The following RICTOR variants were observed in gnomAD, a reference collection of about 807,000 sequenced individuals.
The protein encoded by RICTOR is rapamycin-insensitive companion of mTOR.
RICTOR carries 49 observed loss-of-function variants against 214.9 expected under a neutral mutation model. That is an observed-to-expected ratio of 0.23 (90% confidence interval 0.18 to 0.29). The LOEUF is 0.29. Among genes scored for constraint, RICTOR ranks in the 10% least tolerant of loss-of-function variants. The pLI, the probability that RICTOR is intolerant of heterozygous loss-of-function variation, is 1.00. For synonymous variants in RICTOR, 717 were observed against 711.3 expected (o/e 1.01, Z -0.13); for missense variants, 1,625 against 2,047.0 (o/e 0.79, Z 3.98).
chr5:38,962,583 T>C lies in RICTOR; in HGVS notation c.1570A>G (p.Thr524Ala), dbSNP rs1313708710. The C allele has an allele frequency of 1.3e-6, 2 of 1,482,130 alleles. No homozygotes were observed. Among genetic ancestry groups the C allele is most frequent in the Non-Finnish European group, 1.8e-6 (2 of 1,083,570 alleles). The allele number at this position is 1,482,130 out of a possible 1,614,324, so 91.8% of individuals were successfully genotyped here. ...VQKDIFILKD[T>A]EEALLINLRD... ...AGGTTAATTAAAAGAGCTTCCTCTG[T>C]ATCCTAAAATCATCAGAAAGTAATA... Residue 524 changes from threonine (T) to alanine (A), a missense_variant, in exon 18 of 38, where the codon ACA becomes GCA. This residue lies in a region of RICTOR where 1,214 missense variants were observed against 1,470.5 expected (regional missense o/e 0.83). Coordinates refer to ENST00000357387, the MANE Select transcript of RICTOR (RefSeq NM_152756.5).
At position 38,941,243 on chromosome 5, in the gene RICTOR, T is replaced by C. The variant is rs1165048892; in HGVS notation, c.*1061A>G. 4.3e-6 allele frequency: 1 copy of C among 232,656 alleles called. No individual in the cohort carries two copies. Among genetic ancestry groups the C allele is most frequent in the Admixed American group, 5.6e-5 (1 of 17,760 alleles). 14.4% of individuals were successfully genotyped at this position (232,656 alleles called of 1,614,324 possible). On this transcript the variant is annotated 3_prime_UTR_variant, in exon 38 of 38. Transcript: ENST00000357387. Reference sequence around the variant, plus strand: ...TTTGTGCAAAACAAAAACACTGATATAAAAATTAAGTTACTGCTGCTTTAA... The same window carrying C: ...TTTGTGCAAAACAAAAACACTGATACAAAAATTAAGTTACTGCTGCTTTAA...
At chr5:39,072,849 G>A (rs1759415131) in intron 2 of RICTOR, among the ~76,000 whole-genome samples, 1 of 152,026 alleles carries the variant, frequency 6.6e-6, no homozygotes, top group Non-Finnish European at 1.5e-5. Flanking sequence ...TCTTGTAAAA[G>A]GACCTAGTTC....
At chr5:39,046,028 A>AAATAAATAAATAAATAAAT (rs1757467685) in intron 2 of RICTOR, among the ~76,000 whole-genome samples, 9 of 140,268 alleles carry the variant, frequency 6.4e-5, no homozygotes, top group Middle Eastern at 3.6e-3. Context: ...TCTGTCTTTA[A>AAATAAATAAATAAATAAAT]AAATAAATAA....
intron 5 of RICTOR, among the ~76,000 whole-genome samples, chr5:38,999,032 A>AC (rs1244474907): frequency 5.7e-4 from 82 of 144,102 alleles, no homozygotes; most frequent in Non-Finnish European, 1.1e-3. Context: ...ACAGGCAAAA[A>AC]AAAAAAAAAA....
At chr5:39,074,050 C>A (rs1233904041) in intron 2 of RICTOR, 61 bp downstream of exon 2, 4 of 1,365,002 alleles carry the variant, frequency 2.9e-6, no homozygotes, top group African/African-American at 1.5e-5. Context: ...TGGCCCCCAG[C>A]CCCGGACCCG....
chr5:38,967,305 T>C (rs927223747), intron 13 of RICTOR, 32 bp downstream of exon 13: 53 of 1,598,328 alleles, frequency 3.3e-5, no homozygotes, highest in Non-Finnish European at 4.5e-5. Context: ...CGAATTCTAA[T>C]AAATTGAAAC....
intron 2 of RICTOR, among the ~76,000 whole-genome samples, chr5:39,065,600 T>G (rs1177173074): frequency 6.6e-6 from 1 of 152,216 alleles, no homozygotes; most frequent in Non-Finnish European, 1.5e-5. Context: ...CTTCCACTTA[T>G]GAGGCTGTAA....
In RICTOR at chr5:38,975,815, T is replaced by C. The variant is rs532290076; in HGVS notation, c.822-211A>G. ...TAAACTCACAACATCGTTTAAGTCA[T>C]AAATTCTGCTTTTCTACTCAGTTCT... On this transcript the variant is annotated intron_variant, in intron 9 of 37. Coordinates refer to ENST00000357387, the MANE Select transcript of RICTOR (RefSeq NM_152756.5). Among the ~76,000 whole-genome samples, 9 of 152,342 alleles carry C rather than the reference T, an allele frequency of 5.9e-5. No individual in the cohort carries two copies. The South Asian group carries it at 1.9e-3, about 32-fold the overall frequency.
intron 2 of RICTOR, among the ~76,000 whole-genome samples, chr5:39,032,806 A>G (rs1465805565): frequency 6.6e-6 from 1 of 152,240 alleles, no homozygotes; most frequent in Non-Finnish European, 1.5e-5. Flanking sequence ...AATGATACGG[A>G]CAGAGACAGA....
In RICTOR at chr5:38,943,085, A is replaced by C. The variant is rs1747768615; in HGVS notation, c.4914-114T>G. 1.9e-5 allele frequency: 12 copies of C among 622,256 alleles called. No individual in the cohort carries two copies. The Admixed American group carries it at 2.8e-4, about 14-fold the overall frequency. 38.5% of individuals were successfully genotyped at this position (622,256 alleles called of 1,614,324 possible). A position where few individuals can be genotyped will look rare whatever the true frequency, so the allele number is the denominator to read the frequency against. On this transcript the variant is annotated intron_variant, in intron 36 of 37. Coordinates refer to ENST00000357387, the MANE Select transcript of RICTOR (RefSeq NM_152756.5). ...TCCCTACAGATATGGATTAGATGGCATACTTGGGGTGATGACTTGAGAATA... is the reference window on the plus strand; with the variant it reads ...TCCCTACAGATATGGATTAGATGGCCTACTTGGGGTGATGACTTGAGAATA...
At chr5:38,994,127 T>A (rs1353317468) in intron 6 of RICTOR, among the ~76,000 whole-genome samples, 1 of 151,776 alleles carries the variant, frequency 6.6e-6, no homozygotes, top group Non-Finnish European at 1.5e-5. Flanking sequence ...GAGGTGGAGC[T>A]TGCAGTGAGC....
chr5:39,005,987 T>C (rs1232627803), intron 3 of RICTOR, among the ~76,000 whole-genome samples: 4 of 152,226 alleles, frequency 2.6e-5, no homozygotes, highest in Non-Finnish European at 4.4e-5. Context: ...TCATCCCAGG[T>C]AGCCCCAGGA....
chr5:39,028,800 A>G (rs2150147635), intron 2 of RICTOR, among the ~76,000 whole-genome samples: 1 of 152,300 alleles, frequency 6.6e-6, no homozygotes, highest in East Asian at 1.9e-4. Flanking sequence ...AGGGAGGCTG[A>G]GGCAGGAGGA....
chr5:39,023,775 A>T (rs1737327584), intron 2 of RICTOR, among the ~76,000 whole-genome samples: 1 of 152,176 alleles, frequency 6.6e-6, no homozygotes, highest in Non-Finnish European at 1.5e-5. Flanking sequence ...ACCTTACTCC[A>T]TTCTGTTATA....
At chr5:39,037,221 G>A (rs1016345136) in intron 2 of RICTOR, among the ~76,000 whole-genome samples, 1 of 151,984 alleles carries the variant, frequency 6.6e-6, no homozygotes, top group Non-Finnish European at 1.5e-5. Flanking sequence ...ATGACTACTG[G>A]GTACATAACG....
chr5:38,962,913 T>C lies in RICTOR; in HGVS notation c.1529A>G (p.Gln510Arg). 1 of 1,612,936 alleles carries C rather than the reference T, an allele frequency of 6.2e-7. No individual in the cohort carries two copies. Among genetic ancestry groups the C allele is most frequent in the Non-Finnish European group, 8.5e-7 (1 of 1,179,070 alleles). Residue 510 changes from glutamine (Q) to arginine (R), a missense_variant, in exon 17 of 38, where the codon CAG (glutamine) becomes CGG (arginine). Coordinates refer to ENST00000357387, the MANE Select transcript of RICTOR (RefSeq NM_152756.5). Reference protein sequence around the residue: ...KAIATHQKRDQYLRVQKDIFI... With the variant: ...KAIATHQKRDRYLRVQKDIFI... ...TATATCTTTCTGAACTCGGAGATAC[T>C]GATCCCGTTTCTGGTGTGTTGCAAT...
intron 5 of RICTOR, among the ~76,000 whole-genome samples, chr5:39,000,807 A>G (rs929781647): frequency 6.6e-6 from 1 of 151,924 alleles, no homozygotes; most frequent in Non-Finnish European, 1.5e-5. Context: ...CAACAGGTCA[A>G]TATCTCCCCC....
chr5:38,996,553 C>T (rs958877088), intron 6 of RICTOR, among the ~76,000 whole-genome samples: 4 of 152,264 alleles, frequency 2.6e-5, no homozygotes, highest in South Asian at 2.1e-4. Context: ...ACTACATTTA[C>T]ATGTCTACTG....
At chr5:39,040,468 A>G (rs1034163366) in intron 2 of RICTOR, among the ~76,000 whole-genome samples, 1 of 152,166 alleles carries the variant, frequency 6.6e-6, no homozygotes, top group Non-Finnish European at 1.5e-5. Context: ...AAGTATAACA[A>G]TCATAAAATT....
Sources: gnomAD v4.1 joint callset for allele counts (sites outside exome capture counted in the v4.1 genomes callset) on GRCh38, gnomAD v4.1.1 for gene constraint, gnomAD v4.1.1 regional missense constraint, MANE v1.5 for transcripts, NCBI Gene and HGNC (gene_info 2026-07-23, HGNC 2026-07-21) for gene names.